EML5: variants seen among roughly 807,000 people sequenced by gnomAD.
EML5 encodes the protein EMAP like 5.
EML5 carries 120 observed loss-of-function variants against 250.0 expected under a neutral mutation model. That is an observed-to-expected ratio of 0.48 (90% CI 0.41 to 0.56). The LOEUF is 0.56. Ranked by LOEUF, EML5 falls within the 20% of genes least tolerant of loss-of-function variation. The pLI is 0.00. For synonymous variants in EML5, 771 were observed against 806.5 expected, an observed-to-expected ratio of 0.96 and a Z score of 0.75; for missense variants, 2,006 against 2,437.6, an observed-to-expected ratio of 0.82 and a Z score of 3.73.
intron 17 of EML5, among the ~76,000 whole-genome samples, chr14:88,693,583 A>G (rs2093007651): frequency 6.6e-6 from 1 of 152,174 alleles, no homozygotes; most frequent in African/African-American, 2.4e-5. Context: ...CATATCAACT[A>G]CATAAATGCA....
intron 25 of EML5, among the ~76,000 whole-genome samples, chr14:88,660,707 C>T (rs550483368): frequency 1.3e-5 from 2 of 150,882 alleles, no homozygotes; most frequent in Admixed American, 1.3e-4. Context: ...CATGCCACTG[C>T]ACTCCAGCCT....
intron 28 of EML5, 68 bp from the exon 29 acceptor site, chr14:88,647,023 T>G: frequency 2.2e-6 from 3 of 1,359,216 alleles, no homozygotes; most frequent in Non-Finnish European, 3.1e-6. Context: ...ACTAGTGAAA[T>G]ACCTCCTGTA....
intron 21 of EML5, among the ~76,000 whole-genome samples, chr14:88,674,669 A>T (rs918917730): frequency 4.6e-5 from 7 of 152,118 alleles, no homozygotes; most frequent in Non-Finnish European, 8.8e-5. Context: ...TTTCAAACCC[A>T]ATCGTGCCTT....
At chr14:88,697,333 C>T (rs1414927907) in intron 14 of EML5, among the ~76,000 whole-genome samples, 1 of 152,086 alleles carries the variant, frequency 6.6e-6, no homozygotes, top group Non-Finnish European at 1.5e-5. Context: ...AGACAAACAC[C>T]TCTTAATAGA....
At chr14:88,622,940 A>T in intron 36 of EML5, 1 of 400,546 alleles carries the variant, frequency 2.5e-6, no homozygotes, top group Non-Finnish European at 4.4e-6. Flanking sequence ...TTTGAGAAAT[A>T]CTCTTTTTTT....
Position 88,715,116 on chromosome 14 carries a change from G to C in EML5, c.1267C>G (p.Leu423Val). The change falls in exon 9 of 44, where the codon CTT becomes GTT. Residue 423 changes from leucine to valine, a missense_variant. Physicochemically the swap from Leu to Val is conservative, Grantham distance 32. Around this residue, in one of 7 missense-constraint regions of EML5, gnomAD observed 1,375 missense variants for 1,590.3 expected, o/e 0.86. Transcript: ENST00000554922. ...GAGCTGTCATTGCATCCAACAGCAA[G>C]GTAAGTTCCATCTGGTGAATATTTT... is the stretch of plus-strand genomic sequence containing the variant. ...ELKYSPDGTY[L>V]AVGCNDSSVD... The C allele has an allele frequency of 1.2e-6, 2 of 1,613,242 alleles. No homozygotes were observed. Among genetic ancestry groups the C allele is most frequent in the South Asian group, 2.2e-5 (2 of 90,958 alleles).
At chr14:88,762,957 C>A (rs1229102509) in intron 1 of EML5, among the ~76,000 whole-genome samples, 2 of 152,064 alleles carry the variant, frequency 1.3e-5, no homozygotes, top group Non-Finnish European at 2.9e-5. Flanking sequence ...TCTTTGAAAC[C>A]AATGAGAACA....
chr14:88,614,739 C>G lies in EML5; in HGVS notation c.*1079G>C, dbSNP rs183552630. 1.3e-5 allele frequency: 2 copies of G among 152,218 alleles called. No individual in the cohort carries two copies. The highest frequency in any genetic ancestry group is 1.3e-4 in the Admixed American group (2 of 15,292). The allele number at this position is 152,218 out of a possible 1,614,324, so 9.4% of individuals were successfully genotyped here. On this transcript the variant is annotated 3_prime_UTR_variant, in exon 44 of 44. Transcript: ENST00000554922. ...ATTTAAAGTGAAAAGAAATAAGGAT[C>G]TAAGAATTCAGCCCTAATCCACTAA...
chr14:88,622,426 G>A (rs1229768914), intron 37 of EML5, 178 bp downstream of exon 37: 1 of 460,940 alleles, frequency 2.2e-6, no homozygotes, highest in Non-Finnish European at 3.8e-6. Context: ...CCTAGCTTAT[G>A]CACCACACTG....
At chr14:88,652,268 A>G (rs1166017394) in intron 27 of EML5, among the ~76,000 whole-genome samples, 1 of 152,124 alleles carries the variant, frequency 6.6e-6, no homozygotes, top group East Asian at 1.9e-4. Context: ...TCTGAGGTAC[A>G]TGAGGTATAC....
intron 21 of EML5, among the ~76,000 whole-genome samples, chr14:88,669,353 G>A (rs902644819): frequency 2.0e-5 from 3 of 152,186 alleles, no homozygotes; most frequent in Admixed American, 1.3e-4. Context: ...CTCCCTGGGC[G>A]AGGGGCAGCA....
chr14:88,662,285 A>AT (rs1481602251), intron 24 of EML5, among the ~76,000 whole-genome samples: 4 of 129,376 alleles, frequency 3.1e-5, no homozygotes, highest in Middle Eastern at 3.6e-3. Flanking sequence ...AAGATAAAAA[A>AT]TAAAAAAAAA....
At chr14:88,702,068 C>T (rs560527442) in intron 14 of EML5, among the ~76,000 whole-genome samples, 2 of 152,138 alleles carry the variant, frequency 1.3e-5, no homozygotes, top group Non-Finnish European at 2.9e-5. Flanking sequence ...GAGACATAGT[C>T]CTTTGGTTTG....
intron 25 of EML5, among the ~76,000 whole-genome samples, 198 bp downstream of exon 25, chr14:88,661,451 GGATAT>G: frequency 6.6e-6 from 1 of 152,138 alleles, no homozygotes; most frequent in South Asian, 2.1e-4. Context: ...AAACACTATA[GGATAT>G]GATATATAAC....
intron 14 of EML5, among the ~76,000 whole-genome samples, chr14:88,697,206 A>G (rs1248522733): frequency 6.6e-6 from 1 of 152,220 alleles, no homozygotes; most frequent in East Asian, 1.9e-4. Flanking sequence ...ATATTTCATC[A>G]ATAAAGATGA....
intron 33 of EML5, among the ~76,000 whole-genome samples, chr14:88,633,552 C>T (rs2090555656): frequency 6.6e-6 from 1 of 152,102 alleles, no homozygotes; most frequent in Non-Finnish European, 1.5e-5. Flanking sequence ...AATAAAATAA[C>T]AAGAGATAAC....
At position 88,665,440 on chromosome 14, in the gene EML5, A is replaced by G; in HGVS notation, c.3174T>C (p.Gly1058=). ...CCATTAAGAAGCTTCCATCGTTGAGACCTACGGCTAAAGCTTTACCATCAG... is the reference window on the plus strand; with the variant it reads ...CCATTAAGAAGCTTCCATCGTTGAGGCCTACGGCTAAAGCTTTACCATCAG... The part of the protein sequence containing the change: ...FSPDGKALAV[G]LNDGSFLMAN... The change falls in exon 22 of 44, where the codon GGT becomes GGC. Residue 1058 remains glycine, a synonymous_variant. Coordinates refer to ENST00000554922, the MANE Select transcript of EML5 (RefSeq NM_183387.3). 1.2e-6 allele frequency: 2 copies of G among 1,613,986 alleles called. No individual in the cohort carries two copies. The highest frequency in any genetic ancestry group is 8.5e-7 in the Non-Finnish European group (1 of 1,179,880).
chr14:88,782,047 G>C (rs1301702543), intron 1 of EML5, among the ~76,000 whole-genome samples: 1 of 152,150 alleles, frequency 6.6e-6, no homozygotes, highest in Non-Finnish European at 1.5e-5. Context: ...AGACTTGGAG[G>C]GCTCCGAAGA....
At chr14:88,730,771 A>G (rs967677058) in intron 7 of EML5, among the ~76,000 whole-genome samples, 1 of 152,220 alleles carries the variant, frequency 6.6e-6, no homozygotes, top group African/African-American at 2.4e-5. Context: ...AATTCAATGC[A>G]ACCTAAATTG....
Sources: allele counts gnomAD v4.1 joint callset (sites outside exome capture counted in the v4.1 genomes callset), GRCh38; gene constraint gnomAD v4.1.1; regional missense constraint gnomAD v4.1.1; transcripts MANE v1.5; gene names NCBI Gene and HGNC (gene_info 2026-07-23, HGNC 2026-07-21).